The following RBFOX3 variants were observed in gnomAD, a reference collection of about 807,000 sequenced individuals.
The protein encoded by RBFOX3 is RNA binding fox-1 homolog 3.
RBFOX3 carries 17 observed loss-of-function variants against 48.7 expected under a neutral mutation model. The ratio of observed to expected loss-of-function variants is 0.35; its 90% CI spans 0.24 to 0.52. The LOEUF is 0.52. RBFOX3 is among the 20% of genes least tolerant of loss of function. The pLI is 0.94. For synonymous variants in RBFOX3, 212 were observed against 209.5 expected, an observed-to-expected ratio of 1.01 and a Z score of -0.10; for missense variants, 382 against 497.5, an observed-to-expected ratio of 0.77 and a Z score of 2.21.
chr17:79,187,099 G>C (rs1283407805), intron 4 of RBFOX3, among the ~76,000 whole-genome samples: 1 of 152,264 alleles, frequency 6.6e-6, no homozygotes, highest in Non-Finnish European at 1.5e-5. Context: ...GGGAATACTA[G>C]ACTCCAAGGT....
intron 4 of RBFOX3, among the ~76,000 whole-genome samples, chr17:79,172,238 G>A (rs921702421): frequency 8.6e-5 from 13 of 151,016 alleles, no homozygotes; most frequent in Non-Finnish European, 1.5e-5. Flanking sequence ...CCCAAATGAG[G>A]ACATTTAAAA....
intron 2 of RBFOX3, among the ~76,000 whole-genome samples, chr17:79,463,111 C>T (rs868928294): frequency 1.4e-5 from 2 of 147,994 alleles, no homozygotes; most frequent in African/African-American, 2.5e-5. Context: ...CCACCGCCAT[C>T]GCCACTGCCA....
chr17:79,419,993 G>A (rs779292409), intron 2 of RBFOX3, among the ~76,000 whole-genome samples: 46 of 152,256 alleles, frequency 3.0e-4, no homozygotes, highest in Non-Finnish European at 6.2e-4. Flanking sequence ...CAGGCATGGC[G>A]GCGTGTTCCT....
chr17:79,520,514 C>A (rs1490926079), intron 1 of RBFOX3, among the ~76,000 whole-genome samples: 1 of 152,218 alleles, frequency 6.6e-6, no homozygotes, highest in Non-Finnish European at 1.5e-5. Context: ...TACTCCCGCA[C>A]CCAGACACAC....
At chr17:79,460,912 A>G (rs1313604513) in intron 2 of RBFOX3, among the ~76,000 whole-genome samples, 1 of 152,224 alleles carries the variant, frequency 6.6e-6, no homozygotes, top group South Asian at 2.1e-4. Flanking sequence ...ATTCTATTAC[A>G]GCAACACAGA....
chr17:79,425,878 C>CA (rs1302579205), intron 2 of RBFOX3, among the ~76,000 whole-genome samples: 1 of 152,076 alleles, frequency 6.6e-6, no homozygotes, highest in Non-Finnish European at 1.5e-5. Flanking sequence ...GACCCCCTTC[C>CA]AGGGATCTTG....
At chr17:79,248,090 G>T (rs1248233043) in intron 3 of RBFOX3, among the ~76,000 whole-genome samples, 2 of 152,234 alleles carry the variant, frequency 1.3e-5, no homozygotes, top group Admixed American at 1.3e-4. Flanking sequence ...TGGGCTGTGG[G>T]TTTCACCCAA....
intron 4 of RBFOX3, among the ~76,000 whole-genome samples, chr17:79,171,654 A>AGAGG (rs3046695): frequency 3.4e-5 from 5 of 147,384 alleles, no homozygotes; most frequent in African/African-American, 5.2e-5. Context: ...AAAAAAATAG[A>AGAGG]TCTTGCCACT....
intron 1 of RBFOX3, among the ~76,000 whole-genome samples, chr17:79,546,516 T>C (rs552673492): frequency 4.6e-5 from 7 of 151,822 alleles, no homozygotes; most frequent in African/African-American, 1.7e-4. Flanking sequence ...GCCCCCTCCA[T>C]GCCCATCCAT....
intron 3 of RBFOX3, among the ~76,000 whole-genome samples, chr17:79,279,650 A>C (rs1020310861): frequency 2.6e-5 from 4 of 152,144 alleles, no homozygotes; most frequent in African/African-American, 4.8e-5. Flanking sequence ...ACGCAAACTC[A>C]CTGCAGGCAG....
chr17:79,326,508 T>G (rs2079354806), intron 2 of RBFOX3, among the ~76,000 whole-genome samples: 1 of 152,164 alleles, frequency 6.6e-6, no homozygotes, highest in South Asian at 2.1e-4. Context: ...CGTCTATATA[T>G]TCTTTCACCA....
chr17:79,492,345 G>A (rs1464599565), intron 1 of RBFOX3, among the ~76,000 whole-genome samples: 1 of 152,192 alleles, frequency 6.6e-6, no homozygotes, highest in Non-Finnish European at 1.5e-5. Flanking sequence ...TGGTCTGTGT[G>A]ACCAATAGAA....
chr17:79,582,360 G>T (rs1004653584), intron 1 of RBFOX3, among the ~76,000 whole-genome samples: 8 of 152,190 alleles, frequency 5.3e-5, no homozygotes, highest in African/African-American at 1.4e-4. Flanking sequence ...GTGTGTGCAA[G>T]TGTCTGGCCC....
At chr17:79,125,703 C>T (rs2037033283) in intron 4 of RBFOX3, among the ~76,000 whole-genome samples, 1 of 152,254 alleles carries the variant, frequency 6.6e-6, no homozygotes, top group Admixed American at 6.5e-5. Flanking sequence ...TAATTGCCTT[C>T]AGACGGCTCC....
chr17:79,469,907 T>TGA (rs1264409432), intron 2 of RBFOX3, among the ~76,000 whole-genome samples: 1 of 152,062 alleles, frequency 6.6e-6, no homozygotes, highest in African/African-American at 2.4e-5. Context: ...AGAACGTGCA[T>TGA]GAGAGAGAGC....
intron 4 of RBFOX3, among the ~76,000 whole-genome samples, chr17:79,167,660 A>G (rs1327698396): frequency 6.6e-6 from 1 of 152,160 alleles, no homozygotes; most frequent in Admixed American, 6.5e-5. Flanking sequence ...CCGCAGAGGA[A>G]GCGTGCTTGG....
chr17:79,388,090 G>A (rs554339983), intron 2 of RBFOX3, among the ~76,000 whole-genome samples: 52 of 152,324 alleles, frequency 3.4e-4, no homozygotes, highest in African/African-American at 1.2e-3. Flanking sequence ...GTGTGCATGT[G>A]TGTGCATGTG....
rs563479170 is a variant in RBFOX3 at position 79,147,160 on chromosome 17, C to T, written c.-33-31412G>A. On this transcript the variant is annotated intron_variant, in intron 4 of 14. Transcript: ENST00000693108. ...TTCCAAGGCTGCTCCCTTGCCCTCC[C>T]GTCCGTGTCGTCCTCAGAGATGGCA... is the stretch of plus-strand genomic sequence containing the variant. 3.9e-5 allele frequency among the ~76,000 whole-genome samples: 6 copies of T among 152,314 alleles called. No individual in the cohort carries two copies. The South Asian group carries it at 1.2e-3, about 32-fold the overall frequency.
intron 4 of RBFOX3, among the ~76,000 whole-genome samples, chr17:79,137,846 C>T (rs753350325): frequency 6.6e-6 from 1 of 152,196 alleles, no homozygotes; most frequent in Non-Finnish European, 1.5e-5. Context: ...CAGCACAAAG[C>T]GGGGCCATTT....
Sources: allele counts gnomAD v4.1 joint callset (sites outside exome capture counted in the v4.1 genomes callset), GRCh38; gene constraint gnomAD v4.1.1; transcripts MANE v1.5; gene names NCBI Gene and HGNC (gene_info 2026-07-23, HGNC 2026-07-21).